Variants in RAPGEF5 observed in about 807,000 individuals in gnomAD.
The protein encoded by RAPGEF5 is M-Ras-regulated GEF.
In RAPGEF5, 65 loss-of-function variants were observed where a neutral mutation model predicts 125.2. The observed-to-expected ratio is 0.52, with a 90% confidence interval of 0.43 to 0.64. RAPGEF5 has a LOEUF of 0.64. Among genes scored for constraint, RAPGEF5 ranks in the 30% least tolerant of loss-of-function variants. The probability of loss-of-function intolerance (pLI) is 0.00; values close to 1 mark genes in which losing one functional copy is unlikely to be tolerated. For missense variants in RAPGEF5, 958 were observed against 1,048.1 expected (o/e 0.91, Z 1.19); for synonymous variants, 391 against 385.9 (o/e 1.01, Z -0.16).
intron 20 of RAPGEF5, among the ~76,000 whole-genome samples, chr7:22,140,772 C>G (rs1056048323): frequency 6.6e-6 from 1 of 152,280 alleles, no homozygotes; most frequent in East Asian, 1.9e-4. Flanking sequence ...CAACATTCCA[C>G]TAATTTCCAA....
chr7:22,198,110 TTGAACTTC>T (rs1370741262), intron 9 of RAPGEF5, among the ~76,000 whole-genome samples: 1 of 152,186 alleles, frequency 6.6e-6, no homozygotes, highest in African/African-American at 2.4e-5. Flanking sequence ...TAGGCTGGTC[TTGAACTTC>T]TGAGCTCAAG....
chr7:22,232,784 G>A (rs1351406996), intron 7 of RAPGEF5, among the ~76,000 whole-genome samples: 1 of 152,182 alleles, frequency 6.6e-6, no homozygotes, highest in African/African-American at 2.4e-5. Flanking sequence ...TAACTGGCAT[G>A]AACAATGTAT....
chr7:22,286,952 C>T (rs1215678081), intron 6 of RAPGEF5, among the ~76,000 whole-genome samples: 2 of 152,214 alleles, frequency 1.3e-5, no homozygotes, highest in East Asian at 3.8e-4. Flanking sequence ...CAGAGACTTG[C>T]AGTCGATGAA....
chr7:22,150,950 C>T (rs545818596), intron 17 of RAPGEF5, among the ~76,000 whole-genome samples: 1 of 152,268 alleles, frequency 6.6e-6, no homozygotes, highest in South Asian at 2.1e-4. Flanking sequence ...ATTGCGGATA[C>T]ACATATACAT....
At chr7:22,177,008 T>A (rs1211688089) in intron 11 of RAPGEF5, among the ~76,000 whole-genome samples, 2 of 152,232 alleles carry the variant, frequency 1.3e-5, no homozygotes, top group African/African-American at 4.8e-5. Flanking sequence ...CTGTTATTAG[T>A]GTTCTTTTCA....
At chr7:22,222,045 G>C (rs1785804160) in intron 8 of RAPGEF5, among the ~76,000 whole-genome samples, 1 of 152,090 alleles carries the variant, frequency 6.6e-6, no homozygotes, top group Non-Finnish European at 1.5e-5. Flanking sequence ...TCAGGAGTTT[G>C]AGACCAGCCT....
intron 7 of RAPGEF5, among the ~76,000 whole-genome samples, chr7:22,242,377 C>A (rs976644357): frequency 2.6e-5 from 4 of 152,156 alleles, no homozygotes; most frequent in African/African-American, 9.7e-5. Context: ...TGCTATGGAG[C>A]CTCCCCTTAC....
At position 22,172,413 on chromosome 7, in the gene RAPGEF5, C is replaced by A. The variant is rs149274597; in HGVS notation, c.1205-5265G>T. ...TTCTGGGATTGCAGGTATAAGCCAC[C>A]GTGCCCGGCCTATTTTAATTTTTAG... On this transcript the variant is annotated intron_variant, in intron 11 of 25. Transcript: ENST00000665637. Among the ~76,000 whole-genome samples, 658 of 152,172 alleles carry A rather than the reference C, an allele frequency of 4.3e-3. 10 individuals carry two copies. The highest frequency in any genetic ancestry group is 0.015 in the African/African-American group (639 of 41,522).
intron 23 of RAPGEF5, among the ~76,000 whole-genome samples, chr7:22,133,497 C>A (rs979937894): frequency 6.6e-6 from 1 of 152,130 alleles, no homozygotes; most frequent in Non-Finnish European, 1.5e-5. Context: ...CCTGAACACA[C>A]CCCAAACATC....
At chr7:22,205,760 CA>C (rs773069870) in intron 9 of RAPGEF5, among the ~76,000 whole-genome samples, 3 of 152,212 alleles carry the variant, frequency 2.0e-5, no homozygotes, top group Admixed American at 6.5e-5. Context: ...TGATCCTCCT[CA>C]GGACATTCTG....
At chr7:22,157,173 A>T (rs139460710) in intron 15 of RAPGEF5, among the ~76,000 whole-genome samples, 4 of 152,358 alleles carry the variant, frequency 2.6e-5, no homozygotes, top group Non-Finnish European at 5.9e-5. Flanking sequence ...ACAAACATCC[A>T]TAGAGTCTCC....
intron 9 of RAPGEF5, among the ~76,000 whole-genome samples, chr7:22,212,340 T>G (rs1436596536): frequency 6.6e-6 from 1 of 152,110 alleles, no homozygotes; most frequent in African/African-American, 2.4e-5. Context: ...TCCTGACCCT[T>G]CAGATTCTGT....
At chr7:22,317,242 C>CTTT (rs67830846) in intron 2 of RAPGEF5, among the ~76,000 whole-genome samples, 2 of 134,128 alleles carry the variant, frequency 1.5e-5, no homozygotes, top group Non-Finnish European at 3.2e-5. Flanking sequence ...CTTTTTTTTT[C>CTTT]TTTTTTTTTT....
At chr7:22,131,532 C>T (rs1353769717) in intron 23 of RAPGEF5, among the ~76,000 whole-genome samples, 1 of 152,114 alleles carries the variant, frequency 6.6e-6, no homozygotes, top group Non-Finnish European at 1.5e-5. Context: ...ATGGGACTTG[C>T]TTTACTTAAA....
intron 24 of RAPGEF5, among the ~76,000 whole-genome samples, chr7:22,128,496 T>A (rs937508276): frequency 1.3e-5 from 2 of 152,242 alleles, no homozygotes; most frequent in African/African-American, 4.8e-5. Context: ...TAGGTTCTAT[T>A]GGTTCATTAT....
chr7:22,130,656 C>T (rs915127777), intron 24 of RAPGEF5, among the ~76,000 whole-genome samples: 18 of 152,190 alleles, frequency 1.2e-4, no homozygotes, highest in African/African-American at 4.3e-4. Flanking sequence ...GGCTGAGACA[C>T]TGAGAGATGC....
In RAPGEF5 at chr7:22,137,001, A is replaced by C; in HGVS notation, c.2278-18T>G. ...GGGATTTTCTAAAAAACAAACACAA[A>C]CAAAAAACAGAAGGTCACAGAAGTT... is the stretch of plus-strand genomic sequence containing the variant. On this transcript the variant is annotated intron_variant, in intron 21 of 25. Transcript: ENST00000665637. The C allele has an allele frequency of 6.5e-7, 1 of 1,546,754 alleles. No individual in the cohort carries two copies. Among genetic ancestry groups the C allele is most frequent in the African/African-American group, 1.4e-5 (1 of 73,638 alleles).
intron 6 of RAPGEF5, among the ~76,000 whole-genome samples, chr7:22,289,385 C>T (rs922362403): frequency 6.6e-6 from 1 of 152,144 alleles, no homozygotes; most frequent in Non-Finnish European, 1.5e-5. Flanking sequence ...TGCTGAATGA[C>T]CTTAGGCAAG....
At chr7:22,143,116 C>T (rs772066402) in intron 20 of RAPGEF5, among the ~76,000 whole-genome samples, 7 of 152,138 alleles carry the variant, frequency 4.6e-5, no homozygotes, top group Non-Finnish European at 8.8e-5. Flanking sequence ...ACATAATTAG[C>T]ATTTATAAGA....
Sources: allele counts gnomAD v4.1 joint callset (sites outside exome capture counted in the v4.1 genomes callset), GRCh38; gene constraint gnomAD v4.1.1; transcripts MANE v1.5; gene names NCBI Gene and HGNC (gene_info 2026-07-23, HGNC 2026-07-21).